The following CHCHD3 variants were observed in gnomAD, a reference collection of about 807,000 sequenced individuals.
The protein encoded by CHCHD3 is coiled-coil-helix-coiled-coil-helix domain containing 3, also known as MICOS complex subunit MIC19.
CHCHD3 carries 20 observed loss-of-function variants against 38.2 expected under a neutral mutation model. The ratio of observed to expected loss-of-function variants is 0.52; its 90% CI spans 0.37 to 0.76. The LOEUF (loss-of-function observed/expected upper bound fraction) is 0.76, where lower values mean the gene tolerates loss of function less well. Ranked by LOEUF, CHCHD3 falls within the 30% of genes least tolerant of loss-of-function variation. The probability of loss-of-function intolerance (pLI) is 0.00; values close to 1 mark genes in which losing one functional copy is unlikely to be tolerated. For missense variants in CHCHD3, 245 were observed against 279.2 expected, an observed-to-expected ratio of 0.88 and a Z score of 0.87; for synonymous variants, 82 against 100.0, an observed-to-expected ratio of 0.82 and a Z score of 1.07.
chr7:133,035,107 C>T lies in CHCHD3; in HGVS notation c.170-10480G>A. 6.2e-7 allele frequency: 1 copy of T among 1,613,750 alleles called. No individual in the cohort carries two copies. Among genetic ancestry groups the T allele is most frequent in the South Asian group, 1.1e-5 (1 of 91,076 alleles). On this transcript the variant is annotated intron_variant, in intron 2 of 7. Transcript: ENST00000262570. This position sits in a 1 kb window ranked among gnomAD's most constrained non-coding sequence, Gnocchi z 4.7. ...AAGGGGTCCTTGGCCTTGGGCTCAG[C>T]AGCCAGCGCCTGCTCACATTCATCC...
intron 5 of CHCHD3, among the ~76,000 whole-genome samples, chr7:132,878,461 G>C (rs1808969972): frequency 6.6e-6 from 1 of 152,154 alleles, no homozygotes; most frequent in Non-Finnish European, 1.5e-5. Context: ...TTTAAAAATT[G>C]CTCATTTGAT....
intron 5 of CHCHD3, among the ~76,000 whole-genome samples, chr7:132,847,840 G>A (rs1036263861): frequency 3.9e-5 from 6 of 152,136 alleles, no homozygotes; most frequent in African/African-American, 1.4e-4. Context: ...AATCAAAGAG[G>A]TCATAAGAAA....
At chr7:132,926,763 T>C (rs1028674756) in intron 4 of CHCHD3, among the ~76,000 whole-genome samples, 1 of 152,226 alleles carries the variant, frequency 6.6e-6, no homozygotes, top group Non-Finnish European at 1.5e-5. Context: ...ATTACTTCTA[T>C]CTAACACAAT....
At chr7:133,017,574 G>A (rs1458618570) in intron 3 of CHCHD3, among the ~76,000 whole-genome samples, 1 of 152,120 alleles carries the variant, frequency 6.6e-6, no homozygotes, top group Non-Finnish European at 1.5e-5. Context: ...CACTTCACGA[G>A]AGAAAACACT....
intron 6 of CHCHD3, among the ~76,000 whole-genome samples, chr7:132,829,260 C>T (rs141530684): frequency 0.012 from 1,771 of 152,040 alleles, 12 homozygotes; most frequent in Non-Finnish European, 0.02. Context: ...TATCATGTAC[C>T]CTAGAACTCA....
chr7:132,910,575 G>A (rs548886892), intron 4 of CHCHD3, among the ~76,000 whole-genome samples: 3 of 152,238 alleles, frequency 2.0e-5, no homozygotes, highest in African/African-American at 7.2e-5. Context: ...ACTTCTATGT[G>A]TCATTTTCTC....
chr7:132,865,262 G>A (rs192707709), intron 5 of CHCHD3, among the ~76,000 whole-genome samples: 2 of 152,282 alleles, frequency 1.3e-5, no homozygotes, highest in East Asian at 1.9e-4. Context: ...CTGCCATCTC[G>A]GCAGACTGTC....
intron 4 of CHCHD3, among the ~76,000 whole-genome samples, chr7:132,886,414 T>C (rs1809211853): frequency 6.6e-6 from 1 of 151,866 alleles, no homozygotes; most frequent in Non-Finnish European, 1.5e-5. Context: ...TAAACAATGA[T>C]GAAGATGGCT....
At chr7:132,895,606 GTTTT>G (rs1303844525) in intron 4 of CHCHD3, among the ~76,000 whole-genome samples, 1 of 152,230 alleles carries the variant, frequency 6.6e-6, no homozygotes, top group Non-Finnish European at 1.5e-5. Flanking sequence ...ATGGGGGAAG[GTTTT>G]TCCTGTGCTG....
chr7:132,865,027 C>A lies in CHCHD3; in HGVS notation c.453+20635G>T, dbSNP rs542950792. ...TAAAAGAAACCATTAAAATGAATTTCAATTTGTCAGATAAGGAGGATTATG... is the reference window on the plus strand; with the variant it reads ...TAAAAGAAACCATTAAAATGAATTTAAATTTGTCAGATAAGGAGGATTATG... On this transcript the variant is annotated intron_variant, in intron 5 of 7. Transcript: ENST00000262570. Among the ~76,000 whole-genome samples the A allele has an allele frequency of 6.6e-5, 10 of 152,208 alleles. No homozygotes were observed. In the South Asian group the frequency reaches 1.9e-3, roughly 28 times the overall value.
chr7:132,987,183 G>A (rs1812143921), intron 3 of CHCHD3, among the ~76,000 whole-genome samples: 1 of 152,148 alleles, frequency 6.6e-6, no homozygotes, highest in Non-Finnish European at 1.5e-5. Flanking sequence ...GGGATCATAA[G>A]GACCTTTCTT....
At chr7:132,880,014 T>C (rs959298025) in intron 5 of CHCHD3, among the ~76,000 whole-genome samples, 2 of 152,220 alleles carry the variant, frequency 1.3e-5, no homozygotes, top group South Asian at 4.1e-4. Context: ...GAGAAAATTA[T>C]GCATTTTTGA....
intron 5 of CHCHD3, among the ~76,000 whole-genome samples, chr7:132,874,959 G>T (rs1255145371): frequency 6.6e-6 from 1 of 152,052 alleles, no homozygotes; most frequent in Non-Finnish European, 1.5e-5. Flanking sequence ...GGCAATCCCA[G>T]GGTGCTTTCA....
intron 3 of CHCHD3, among the ~76,000 whole-genome samples, chr7:133,011,688 A>T (rs1351770055): frequency 2.0e-5 from 3 of 152,284 alleles, no homozygotes; most frequent in Middle Eastern, 3.4e-3. Flanking sequence ...GAGGTAATTC[A>T]TTTCTAATAT....
chr7:132,990,469 G>GGGCA (rs1812246837), intron 3 of CHCHD3, among the ~76,000 whole-genome samples: 1 of 152,132 alleles, frequency 6.6e-6, no homozygotes, highest in Non-Finnish European at 1.5e-5. Context: ...CATCCAAGAT[G>GGGCA]GGCAGCTTGA....
chr7:132,972,006 C>T (rs899998395), intron 4 of CHCHD3, among the ~76,000 whole-genome samples: 11 of 152,022 alleles, frequency 7.2e-5, no homozygotes, highest in South Asian at 6.2e-4. Flanking sequence ...CTGTCCACAC[C>T]GCACAGTACT....
chr7:132,921,714 T>G (rs1442069806), intron 4 of CHCHD3, among the ~76,000 whole-genome samples: 3 of 152,212 alleles, frequency 2.0e-5, no homozygotes, highest in African/African-American at 7.2e-5. Context: ...GGCAAGTGTT[T>G]GGAATTCTGA....
At chr7:132,962,429 C>T (rs186190902) in intron 4 of CHCHD3, among the ~76,000 whole-genome samples, 14 of 152,020 alleles carry the variant, frequency 9.2e-5, no homozygotes, top group South Asian at 8.3e-4. Flanking sequence ...TTTAAAAAGA[C>T]GGAAACAAAG....
chr7:132,877,936 C>A (rs921666102), intron 5 of CHCHD3, among the ~76,000 whole-genome samples: 2 of 152,200 alleles, frequency 1.3e-5, no homozygotes, highest in South Asian at 4.1e-4. Context: ...TACTCTGTCA[C>A]ATTGCAGGGC....
Sources: gnomAD v4.1 joint callset for allele counts (sites outside exome capture counted in the v4.1 genomes callset) on GRCh38, gnomAD v4.1.1 for gene constraint, Gnocchi (gnomAD v3.1) non-coding constraint, MANE v1.5 for transcripts, NCBI Gene and HGNC (gene_info 2026-07-23, HGNC 2026-07-21) for gene names.